Variants in CFAP299 observed in about 807,000 individuals in gnomAD.
CFAP299 encodes cilia- and flagella-associated protein 299.
Under a neutral mutation model 27.0 loss-of-function variants are expected in CFAP299, and 21 were observed. The observed-to-expected ratio is 0.78, with a 90% CI of 0.55 to 1.12. The LOEUF (loss-of-function observed/expected upper bound fraction) is 1.12. CFAP299 is among the 50% of genes most tolerant of loss of function. The pLI is 0.00. For synonymous variants in CFAP299, 104 were observed against 98.1 expected (o/e 1.06, Z -0.36); for missense variants, 310 against 276.6 (o/e 1.12, Z -0.86).
chr4:80,648,978 T>C (rs1039710735), intron 3 of CFAP299: 9 of 152,084 alleles, frequency 5.9e-5, no homozygotes, highest in African/African-American at 2.2e-4. Context: ...ACCAAGGAGA[T>C]AGATGGATGG....
At chr4:80,441,583 A>T (rs1011734233) in intron 2 of CFAP299, among the ~76,000 whole-genome samples, 2 of 152,246 alleles carry the variant, frequency 1.3e-5, no homozygotes, top group East Asian at 3.8e-4. Flanking sequence ...AAAAACCATT[A>T]CCAGCCACTG....
At chr4:80,435,156 T>A (rs148385677) in intron 2 of CFAP299, among the ~76,000 whole-genome samples, 704 of 152,316 alleles carry the variant, frequency 4.6e-3, no homozygotes, top group Middle Eastern at 0.014. Context: ...AAAGGAATTA[T>A]AATTGGTGGC....
chr4:80,916,295 A>T lies in CFAP299; in HGVS notation c.477-28515A>T, dbSNP rs6815401. Among the ~76,000 whole-genome samples, 204 of 125,494 alleles carry T rather than the reference A, an allele frequency of 1.6e-3. 1 individual carries two copies. Among genetic ancestry groups the T allele is most frequent in the African/African-American group, 5.8e-3 (182 of 31,464 alleles). 82.3% of individuals were successfully genotyped at this position (125,494 alleles called of 152,430 possible). On this transcript the variant is annotated intron_variant, in intron 4 of 5. Transcript: ENST00000358105. ...TATATATATATATATATATATATAT[A>T]TTTCAGGTACAGATCATCTGTTCCT...
At chr4:80,480,628 T>C (rs1426346098) in intron 2 of CFAP299, among the ~76,000 whole-genome samples, 1 of 152,064 alleles carries the variant, frequency 6.6e-6, no homozygotes, top group Non-Finnish European at 1.5e-5. Flanking sequence ...ATTAGTTTTG[T>C]CTGCTCAGAG....
At chr4:80,814,714 T>C (rs1444495266) in intron 3 of CFAP299, among the ~76,000 whole-genome samples, 2 of 151,580 alleles carry the variant, frequency 1.3e-5, no homozygotes, top group East Asian at 1.9e-4. Context: ...AAAATCTTTA[T>C]GTCTTAAAAA....
intron 2 of CFAP299, among the ~76,000 whole-genome samples, chr4:80,492,828 G>A (rs568518108): frequency 5.6e-4 from 86 of 152,308 alleles, no homozygotes; most frequent in South Asian, 1.5e-3. Flanking sequence ...GCAGGCTTAG[G>A]ATTGGCTAGT....
chr4:80,594,631 G>T lies in CFAP299; in HGVS notation c.333+11448G>T, dbSNP rs369924227. ...ATTTTATTTTTTTAATCTTTGTATC[G>T]CATTCTTATGTGATCCCTGAGAAAA... is the stretch of plus-strand genomic sequence containing the variant. On this transcript the variant is annotated intron_variant, in intron 3 of 5. Coordinates refer to ENST00000358105, the MANE Select transcript of CFAP299 (RefSeq NM_152770.3). 3.6e-4 allele frequency among the ~76,000 whole-genome samples: 54 copies of T among 150,210 alleles called. No homozygotes were observed. In the East Asian group the frequency reaches 7.6e-3, roughly 21 times the overall value.
chr4:80,962,068 C>G (rs1228230517), intron 5 of CFAP299, among the ~76,000 whole-genome samples: 2 of 151,910 alleles, frequency 1.3e-5, no homozygotes, highest in Non-Finnish European at 2.9e-5. Context: ...GGGGATTTAC[C>G]TTTGGGAGTC....
intron 3 of CFAP299, among the ~76,000 whole-genome samples, chr4:80,858,970 A>C (rs922287053): frequency 6.6e-6 from 1 of 151,944 alleles, no homozygotes; most frequent in Non-Finnish European, 1.5e-5. Context: ...ATCCTTGTTG[A>C]CTTTCTGTCT....
At chr4:80,462,530 G>A (rs927093475) in intron 2 of CFAP299, among the ~76,000 whole-genome samples, 2 of 152,082 alleles carry the variant, frequency 1.3e-5, no homozygotes, top group African/African-American at 4.8e-5. Flanking sequence ...ACCCCAATAT[G>A]TTTCTCTGAC....
At chr4:80,800,566 A>G (rs1364723766) in intron 3 of CFAP299, among the ~76,000 whole-genome samples, 2 of 76,670 alleles carry the variant, frequency 2.6e-5, no homozygotes, top group African/African-American at 5.7e-5. Flanking sequence ...ATTATATAAT[A>G]TATTAATATA....
At chr4:80,736,006 G>A (rs1723841926) in intron 3 of CFAP299, among the ~76,000 whole-genome samples, 1 of 151,966 alleles carries the variant, frequency 6.6e-6, no homozygotes, top group South Asian at 2.1e-4. Context: ...AGTAAGAATG[G>A]TATTATTCCT....
chr4:80,502,212 T>C (rs1246129677), intron 2 of CFAP299, among the ~76,000 whole-genome samples: 2 of 152,098 alleles, frequency 1.3e-5, no homozygotes, highest in African/African-American at 4.8e-5. Flanking sequence ...TAGCAGATGA[T>C]TTCTTAAATA....
At chr4:80,579,582 C>T (rs1278699612) in intron 2 of CFAP299, among the ~76,000 whole-genome samples, 1 of 152,048 alleles carries the variant, frequency 6.6e-6, no homozygotes, top group Non-Finnish European at 1.5e-5. Flanking sequence ...ATTAAGAGTC[C>T]CATCCTTACT....
intron 2 of CFAP299, among the ~76,000 whole-genome samples, chr4:80,408,257 T>C (rs1349465452): frequency 6.6e-6 from 1 of 152,228 alleles, no homozygotes; most frequent in Non-Finnish European, 1.5e-5. Flanking sequence ...TAAAATATCT[T>C]TTGACTCTAC....
At chr4:80,574,993 A>T (rs1300111211) in intron 2 of CFAP299, among the ~76,000 whole-genome samples, 1 of 151,936 alleles carries the variant, frequency 6.6e-6, no homozygotes, top group East Asian at 1.9e-4. Context: ...GTTTGGAATT[A>T]CTCTATCCTT....
chr4:80,375,505 C>A (rs924059314), intron 2 of CFAP299, among the ~76,000 whole-genome samples: 6 of 152,190 alleles, frequency 3.9e-5, no homozygotes, highest in African/African-American at 1.4e-4. Context: ...TACCAGAGAA[C>A]TCATGGTGAG....
chr4:80,321,775 C>T, the CFAP299 span, among the ~76,000 whole-genome samples: 15 of 152,214 alleles, frequency 9.9e-5, no homozygotes, highest in East Asian at 2.3e-3. Context: ...GTCTCCACAC[C>T]CACCAATACT....
At chr4:80,630,947 T>C (rs932778322) in intron 3 of CFAP299, among the ~76,000 whole-genome samples, 3 of 152,204 alleles carry the variant, frequency 2.0e-5, no homozygotes, top group Middle Eastern at 3.4e-3. Context: ...TTTCCACTAA[T>C]GACAGGAAGA....
Sources: allele counts gnomAD v4.1 joint callset (sites outside exome capture counted in the v4.1 genomes callset), GRCh38; gene constraint gnomAD v4.1.1; transcripts MANE v1.5; gene names NCBI Gene and HGNC (gene_info 2026-07-23, HGNC 2026-07-21).